CAPZB: variants seen among roughly 807,000 people sequenced by gnomAD.
CAPZB encodes the protein capping actin protein of muscle Z-line subunit beta, also known as F-actin-capping protein subunit beta.
A neutral mutation model predicts 38.1 loss-of-function variants in CAPZB; 2 were observed. The observed-to-expected ratio is 0.05, with a 90% CI of 0.02 to 0.17. CAPZB has a LOEUF of 0.17. Ranked by LOEUF, CAPZB falls within the 10% of genes least tolerant of loss-of-function variation. The probability of loss-of-function intolerance (pLI) is 1.00; values close to 1 mark genes in which losing one functional copy is unlikely to be tolerated. For missense variants in CAPZB, 161 were observed against 334.2 expected (o/e 0.48, Z 4.04); for synonymous variants, 107 against 127.4 (o/e 0.84, Z 1.08).
chr1:19,436,787 A>G (rs961257404), intron 1 of CAPZB, among the ~76,000 whole-genome samples: 2 of 152,250 alleles, frequency 1.3e-5, no homozygotes, highest in Admixed American at 6.5e-5. Context: ...CATAAATTCT[A>G]CATGTTAAGT....
intron 1 of CAPZB, among the ~76,000 whole-genome samples, chr1:19,445,615 A>C: frequency 6.6e-6 from 1 of 152,206 alleles, no homozygotes; most frequent in East Asian, 1.9e-4. Flanking sequence ...TTTTAGAATC[A>C]AATAATTTCT....
chr1:19,401,350 G>A (rs1476906290), intron 2 of CAPZB, among the ~76,000 whole-genome samples: 1 of 152,110 alleles, frequency 6.6e-6, no homozygotes, highest in East Asian at 1.9e-4. Context: ...GCACACAGCC[G>A]GGAGGACTTT....
Position 19,353,451 on chromosome 1 carries a change from C to T in CAPZB, c.588+3184G>A, listed in dbSNP as rs568340077. Among the ~76,000 whole-genome samples the T allele has an allele frequency of 9.2e-5, 14 of 152,060 alleles. No individual in the cohort carries two copies. In the South Asian group the frequency reaches 2.7e-3, roughly 29 times the overall value. On this transcript the variant is annotated intron_variant, in intron 6 of 8. Coordinates refer to ENST00000264202, the MANE Select transcript of CAPZB (RefSeq NM_004930.5). ...CCTGACCACGCCACGCCAGAATGCC[C>T]CCCAGCCTGCCCCTCTTCCCCTGCC...
At chr1:19,390,889 CCTGACAATGGCT>C (rs1406736667) in intron 2 of CAPZB, among the ~76,000 whole-genome samples, 1 of 152,170 alleles carries the variant, frequency 6.6e-6, no homozygotes, top group African/African-American at 2.4e-5. Flanking sequence ...TCCCTATGAT[CCTGACAATGGCT>C]CTTCACACAG....
rs543100499 is a variant in CAPZB, at chr1:19,403,337, C to CA, written c.93+16323dup. The stretch of plus-strand genomic sequence containing the variant: ...GAGCAAGTCCAAGAGACAGGAGAAG[C>CA]AAGGGGCATGCTGGGGGGCAGGGTG... On this transcript the variant is annotated intron_variant, in intron 2 of 8. Coordinates refer to ENST00000264202, the MANE Select transcript of CAPZB (RefSeq NM_004930.5). 7.9e-5 allele frequency among the ~76,000 whole-genome samples: 12 copies of CA among 152,314 alleles called. No homozygotes were observed. In the East Asian group the frequency reaches 2.3e-3, roughly 29 times the overall value.
intron 2 of CAPZB, among the ~76,000 whole-genome samples, chr1:19,412,936 A>G (rs543176119): frequency 7.1e-4 from 108 of 152,374 alleles, no homozygotes; most frequent in Non-Finnish European, 9.7e-4. Context: ...TCCTCCTTCC[A>G]GAAATTAATT....
intron 1 of CAPZB, among the ~76,000 whole-genome samples, chr1:19,480,172 T>C (rs1376589773): frequency 2.6e-5 from 4 of 152,156 alleles, no homozygotes; most frequent in Admixed American, 6.5e-5. Context: ...TTTGGACGCA[T>C]CTTGCCTCCC....
chr1:19,405,709 C>T (rs533621576), intron 2 of CAPZB, among the ~76,000 whole-genome samples: 2 of 152,274 alleles, frequency 1.3e-5, no homozygotes, highest in South Asian at 2.1e-4. Context: ...GGGAGATTAA[C>T]GATCATTAAA....
intron 1 of CAPZB, among the ~76,000 whole-genome samples, chr1:19,471,565 G>A (rs940437203): frequency 3.1e-5 from 4 of 130,276 alleles, no homozygotes; most frequent in Non-Finnish European, 7.2e-5. Flanking sequence ...TGTCTGTTAC[G>A]TCGAGAAATG....
intron 1 of CAPZB, chr1:19,484,041 G>A (rs1227733457): frequency 4.1e-5 from 31 of 757,392 alleles, no homozygotes; most frequent in Non-Finnish European, 6.3e-5. Flanking sequence ...GGCCTGTCCT[G>A]CAGAAGGGTC....
At chr1:19,453,538 G>T (rs891221649) in intron 1 of CAPZB, among the ~76,000 whole-genome samples, 1 of 152,200 alleles carries the variant, frequency 6.6e-6, no homozygotes, top group Non-Finnish European at 1.5e-5. Flanking sequence ...TGTGACTACA[G>T]GCGTGAGCCA....
chr1:19,408,058 T>A (rs139359780), intron 2 of CAPZB, among the ~76,000 whole-genome samples: 2 of 152,322 alleles, frequency 1.3e-5, no homozygotes, highest in East Asian at 3.9e-4. Flanking sequence ...AAGGCCTCAA[T>A]GGAGGGCCTC....
At chr1:19,385,449 T>C in intron 3 of CAPZB, 56 bp downstream of exon 3, 1 of 1,607,356 alleles carries the variant, frequency 6.2e-7, no homozygotes, top group South Asian at 1.1e-5. Flanking sequence ...AGCAGGTACC[T>C]ACGGCAGCCC....
intron 1 of CAPZB, among the ~76,000 whole-genome samples, chr1:19,435,748 C>T (rs2094456172): frequency 6.6e-6 from 1 of 152,130 alleles, no homozygotes; most frequent in African/African-American, 2.4e-5. Flanking sequence ...AGCTGGGGTT[C>T]AAAGGCAGGT....
intron 1 of CAPZB, among the ~76,000 whole-genome samples, chr1:19,422,115 T>C (rs990709083): frequency 7.2e-5 from 11 of 152,100 alleles, no homozygotes; most frequent in Admixed American, 5.2e-4. Flanking sequence ...TATAAACTAG[T>C]ATTTCTCAAC....
intron 4 of CAPZB, among the ~76,000 whole-genome samples, chr1:19,363,622 A>C (rs1049271203): frequency 1.3e-5 from 2 of 152,212 alleles, no homozygotes; most frequent in Non-Finnish European, 2.9e-5. Context: ...AGAAAAGAAA[A>C]TGTTTCAGCT....
At chr1:19,375,906 T>C (rs919019657) in intron 4 of CAPZB, among the ~76,000 whole-genome samples, 4 of 152,140 alleles carry the variant, frequency 2.6e-5, no homozygotes, top group African/African-American at 7.2e-5. Context: ...AGAGTTTTAA[T>C]GATAGTAGGG....
chr1:19,368,880 C>T (rs892621874), intron 4 of CAPZB, among the ~76,000 whole-genome samples: 2 of 152,094 alleles, frequency 1.3e-5, no homozygotes, highest in African/African-American at 2.4e-5. Flanking sequence ...ACAGAAGCCT[C>T]GGAAACATCT....
At chr1:19,345,358 C>T (rs2093954722) in intron 6 of CAPZB, 106 bp from the exon 7 acceptor site, 4 of 909,798 alleles carry the variant, frequency 4.4e-6, no homozygotes, top group South Asian at 2.7e-5. Flanking sequence ...CTGTTCCCAC[C>T]GTGGAGCCAG....
Sources: gnomAD v4.1 joint callset for allele counts (sites outside exome capture counted in the v4.1 genomes callset) on GRCh38, gnomAD v4.1.1 for gene constraint, MANE v1.5 for transcripts, NCBI Gene and HGNC (gene_info 2026-07-23, HGNC 2026-07-21) for gene names.